Variants in CEP63 observed in about 807,000 individuals in gnomAD.
The protein encoded by CEP63 is centrosomal protein 63.
In CEP63, 84 loss-of-function variants were observed where a neutral mutation model predicts 89.1. The observed-to-expected ratio is 0.94, with a 90% confidence interval of 0.79 to 1.13. CEP63 has a LOEUF of 1.13. Among genes scored for constraint, CEP63 ranks in the 50% most tolerant of loss-of-function variants. The pLI is 0.00. For synonymous variants in CEP63, 267 were observed against 272.5 expected (o/e 0.98, Z 0.20); for missense variants, 838 against 813.3 (o/e 1.03, Z -0.37).
chr3:134,755,445 A>G, the CEP63 span, among the ~76,000 whole-genome samples: 1 of 152,194 alleles, frequency 6.6e-6, no homozygotes, highest in Non-Finnish European at 1.5e-5. Context: ...ACCACATTAT[A>G]TGCACAGGGC....
At chr3:134,635,445 C>T in the CEP63 span, among the ~76,000 whole-genome samples, 6 of 132,132 alleles carry the variant, frequency 4.5e-5, no homozygotes, top group East Asian at 4.8e-4. Context: ...TGCAGTGAGC[C>T]GAGATCGTGC....
chr3:134,540,840 A>G (rs1577209359), intron 6 of CEP63, among the ~76,000 whole-genome samples: 1 of 149,796 alleles, frequency 6.7e-6, no homozygotes, highest in Non-Finnish European at 1.5e-5. Context: ...CCTGGAGTAC[A>G]GTGGCCTGAT....
At chr3:134,531,794 A>G (rs1045862360) in intron 3 of CEP63, 51 bp from the exon 4 acceptor site, 7 of 1,220,012 alleles carry the variant, frequency 5.7e-6, no homozygotes, top group South Asian at 2.4e-5. Context: ...TATCTCAGGG[A>G]TGTTATTTCA....
At chr3:134,589,246 A>G (rs1482763707), downstream of CEP63, among the ~76,000 whole-genome samples, 1 of 152,220 alleles carries the variant, frequency 6.6e-6, no homozygotes, top group Non-Finnish European at 1.5e-5. Flanking sequence ...GGACATTTCA[A>G]AAAAAGACAA....
At chr3:134,594,361 C>T in the CEP63 span, among the ~76,000 whole-genome samples, 30 of 152,164 alleles carry the variant, frequency 2.0e-4, no homozygotes, top group African/African-American at 6.5e-4. Context: ...TAAAGGGGGA[C>T]GTCACTGCCT....
At chr3:134,499,323 C>T (rs1195398319) in intron 2 of CEP63, among the ~76,000 whole-genome samples, 1 of 152,126 alleles carries the variant, frequency 6.6e-6, no homozygotes, top group Non-Finnish European at 1.5e-5. Flanking sequence ...GTAATAATCT[C>T]TAATGACCCT....
the CEP63 span, chr3:134,625,246 T>C: frequency 1.1e-5 from 9 of 812,264 alleles, no homozygotes; most frequent in South Asian, 1.2e-4. Flanking sequence ...TTTAACACAA[T>C]TCTCAAAGCC....
the CEP63 span, among the ~76,000 whole-genome samples, chr3:134,684,166 G>A: frequency 1.3e-5 from 2 of 152,206 alleles, no homozygotes; most frequent in Non-Finnish European, 2.9e-5. Context: ...GAGGCTGTGA[G>A]GAAGAGTTGA....
intron 1 of CEP63, 80 bp downstream of exon 1, chr3:134,486,282 C>T (rs1935303195): frequency 1.0e-5 from 10 of 985,604 alleles, no homozygotes; most frequent in African/African-American, 3.5e-5. Context: ...CAAGGGGCTG[C>T]CGTGTCCTGG....
the CEP63 span, among the ~76,000 whole-genome samples, chr3:134,714,577 C>T: frequency 2.6e-5 from 4 of 152,178 alleles, no homozygotes; most frequent in Admixed American, 2.0e-4. Flanking sequence ...CTGAGTCAGG[C>T]TGATTCTGAA....
intron 3 of CEP63, chr3:134,510,707 A>T: frequency 1.9e-6 from 1 of 539,448 alleles, no homozygotes; most frequent in Non-Finnish European, 3.6e-6. Context: ...AGGTGAACCC[A>T]ACCATCTGTA....
chr3:134,677,888 T>G, the CEP63 span, among the ~76,000 whole-genome samples: 20 of 151,968 alleles, frequency 1.3e-4, no homozygotes, highest in African/African-American at 4.8e-4. Flanking sequence ...CAAGTATTCC[T>G]GGCATGCTTT....
chr3:134,500,568 G>A (rs1032625435), intron 2 of CEP63, among the ~76,000 whole-genome samples: 14 of 152,174 alleles, frequency 9.2e-5, no homozygotes, highest in African/African-American at 2.9e-4. Flanking sequence ...CACCAACGGT[G>A]TTGCCTTTTC....
chr3:134,494,446 C>T (rs1010276525), intron 1 of CEP63, among the ~76,000 whole-genome samples: 1 of 152,074 alleles, frequency 6.6e-6, no homozygotes, highest in Non-Finnish European at 1.5e-5. Context: ...AGTCTTCTAT[C>T]TCCCGTTCCC....
chr3:134,678,122 C>T, the CEP63 span, among the ~76,000 whole-genome samples: 1 of 152,102 alleles, frequency 6.6e-6, no homozygotes, highest in Non-Finnish European at 1.5e-5. Context: ...AGATGCCCTC[C>T]CGCTGCCTCT....
intron 1 of CEP63, among the ~76,000 whole-genome samples, chr3:134,489,543 ACT>A (rs1167994069): frequency 5.9e-5 from 9 of 151,546 alleles, no homozygotes; most frequent in Admixed American, 5.3e-4. Context: ...ATTCCCCAAG[ACT>A]CTTTCACTTA....
intron 2 of CEP63, among the ~76,000 whole-genome samples, chr3:134,498,274 C>G (rs1016495821): frequency 3.3e-5 from 5 of 151,512 alleles, no homozygotes; most frequent in Non-Finnish European, 7.4e-5. Context: ...TCTTTTATGT[C>G]CTTGGTTAAA....
intron 3 of CEP63, among the ~76,000 whole-genome samples, chr3:134,508,887 G>A (rs1011096722): frequency 6.6e-6 from 1 of 151,592 alleles, no homozygotes; most frequent in Non-Finnish European, 1.5e-5. Flanking sequence ...CTAGAAGTAG[G>A]TTTCTGAAGA....
chr3:134,753,108 A>T, the CEP63 span, among the ~76,000 whole-genome samples: 1 of 152,014 alleles, frequency 6.6e-6, no homozygotes, highest in South Asian at 2.1e-4. Context: ...GTGTCTGTGC[A>T]TGAGCAATTA....
Sources: allele counts gnomAD v4.1 joint callset (sites outside exome capture counted in the v4.1 genomes callset), GRCh38; gene constraint gnomAD v4.1.1; transcripts MANE v1.5; gene names NCBI Gene and HGNC (gene_info 2026-07-23, HGNC 2026-07-21).